PIK3C2G: variants seen among roughly 807,000 people sequenced by gnomAD.
The protein encoded by PIK3C2G is phosphatidylinositol 3-kinase C2 domain-containing subunit gamma.
In PIK3C2G, 168 loss-of-function variants were observed where a neutral mutation model predicts 181.1. The ratio of observed to expected loss-of-function variants is 0.93; its 90% CI spans 0.82 to 1.05. PIK3C2G has a LOEUF of 1.05. Among genes scored for constraint, PIK3C2G ranks in the 50% least tolerant of loss-of-function variants. PIK3C2G has a pLI of 0.00. For missense variants in PIK3C2G, 1,869 were observed against 1,732.8 expected (o/e 1.08, Z -1.40); for synonymous variants, 573 against 592.2 (o/e 0.97, Z 0.47).
At position 18,313,949 on chromosome 12, in the gene PIK3C2G, T is replaced by C; in HGVS notation, c.1035-13T>C. The C allele has an allele frequency of 1.4e-6, 2 of 1,398,284 alleles. No individual in the cohort carries two copies. The highest frequency in any genetic ancestry group is 2.4e-5 in the East Asian group (1 of 42,466). 86.6% of individuals were successfully genotyped at this position (1,398,284 alleles called of 1,614,324 possible). A position where few individuals can be genotyped will look rare whatever the true frequency, so the allele number is the denominator to read the frequency against. On this transcript the variant is annotated splice_polypyrimidine_tract_variant and intron_variant, in intron 5 of 32. Transcript: ENST00000538779. Reference sequence around the variant, plus strand: ...TGGGAGGATATGATTGTGTTCATTTTTTCCTCCTTCAGCGACCACTGTTTG... The same window carrying C: ...TGGGAGGATATGATTGTGTTCATTTCTTCCTCCTTCAGCGACCACTGTTTG...
intron 5 of PIK3C2G, among the ~76,000 whole-genome samples, chr12:18,301,305 C>A (rs964029538): frequency 6.6e-6 from 1 of 152,106 alleles, no homozygotes; most frequent in African/African-American, 2.4e-5. Flanking sequence ...GTCTGCTATG[C>A]CTTTGCCCAT....
At chr12:18,331,953 A>G (rs937051749) in intron 8 of PIK3C2G, among the ~76,000 whole-genome samples, 2 of 152,088 alleles carry the variant, frequency 1.3e-5, no homozygotes, top group African/African-American at 4.8e-5. Context: ...TTCTTTTCAA[A>G]TTTTAAAAAT....
At chr12:18,314,740 A>G (rs1018713886) in intron 6 of PIK3C2G, 1 of 152,204 alleles carries the variant, frequency 6.6e-6, no homozygotes, top group Non-Finnish European at 1.5e-5. Context: ...GACACTTATT[A>G]AGGTTATCGT....
chr12:18,692,572 G>C, the PIK3C2G span, among the ~76,000 whole-genome samples: 1 of 152,250 alleles, frequency 6.6e-6, no homozygotes, highest in Admixed American at 6.5e-5. Flanking sequence ...TGGAGGAAAG[G>C]TGCTAGGTGG....
intron 24 of PIK3C2G, among the ~76,000 whole-genome samples, chr12:18,518,049 G>T (rs112693524): frequency 4.6e-5 from 7 of 152,104 alleles, no homozygotes; most frequent in African/African-American, 1.4e-4. Flanking sequence ...ATTGATTTGC[G>T]TATGTTGAAC....
chr12:18,537,645 C>CT (rs1943930454), intron 24 of PIK3C2G, among the ~76,000 whole-genome samples: 1 of 151,888 alleles, frequency 6.6e-6, no homozygotes, highest in Non-Finnish European at 1.5e-5. Context: ...ATATAGCTAC[C>CT]TTTTTTCTCC....
chr12:18,567,889 A>G (rs114034990), intron 29 of PIK3C2G, among the ~76,000 whole-genome samples: 1 of 152,260 alleles, frequency 6.6e-6, no homozygotes, highest in African/African-American at 2.4e-5. Context: ...ATTAAAATGA[A>G]AATGTTAGTG....
chr12:18,619,679 G>T (rs968441897), intron 31 of PIK3C2G, among the ~76,000 whole-genome samples: 1 of 151,318 alleles, frequency 6.6e-6, no homozygotes, highest in Admixed American at 6.6e-5. Flanking sequence ...TTCCAGAGAT[G>T]TATCTGTTAT....
the PIK3C2G span, chr12:18,693,045 GA>G: frequency 6.8e-7 from 1 of 1,467,584 alleles, no homozygotes; most frequent in Non-Finnish European, 9.5e-7. Context: ...ACCATTAGAA[GA>G]AAAGCAAGAA....
intron 18 of PIK3C2G, among the ~76,000 whole-genome samples, chr12:18,467,972 T>C (rs983141109): frequency 3.9e-5 from 6 of 151,976 alleles, no homozygotes; most frequent in Admixed American, 6.6e-5. Context: ...TTAAAACAAA[T>C]TATAGGTAAA....
At chr12:18,650,664 A>G (rs866065618), downstream of PIK3C2G, among the ~76,000 whole-genome samples, 796 of 35,586 alleles carry the variant, frequency 0.022, 21 homozygotes, top group African/African-American at 0.074. Context: ...TGGAATATAA[A>G]TGTGTGTGTG....
intron 13 of PIK3C2G, among the ~76,000 whole-genome samples, chr12:18,373,164 C>A (rs1469020983): frequency 1.3e-5 from 2 of 152,196 alleles, no homozygotes; most frequent in African/African-American, 4.8e-5. Context: ...TTGTTCGTTG[C>A]TTCAAGTTAC....
chr12:18,496,130 CA>C lies in PIK3C2G; in HGVS notation c.2867del (p.Asn956ThrfsTer24). 1.3e-6 allele frequency: 2 copies of C among 1,533,208 alleles called. No individual in the cohort carries two copies. Among genetic ancestry groups the C allele is most frequent in the East Asian group, 2.4e-5 (1 of 41,798 alleles). The allele number at this position is 1,533,208 out of a possible 1,614,324, so 95.0% of individuals were successfully genotyped here. A position where few individuals can be genotyped will look rare whatever the true frequency, so the allele number is the denominator to read the frequency against. On this transcript the variant is annotated frameshift_variant, in exon 21 of 33. Transcript: ENST00000538779. LOFTEE classifies it high-confidence loss of function. ...CTTTCATCAATGCTAATCCGATGGG[CA>C]AAAACATCAGCATTATTTTTAAGGT... ...ITFINANPMG[K>X]NISIIFKAGD...
At chr12:18,641,743 C>CTTTTTGTTTT (rs1949850722) in intron 32 of PIK3C2G, among the ~76,000 whole-genome samples, 1 of 93,164 alleles carries the variant, frequency 1.1e-5, no homozygotes. Context: ...CTCTCTCAAG[C>CTTTTTGTTTT]TTTTTTTTTT....
the PIK3C2G span, among the ~76,000 whole-genome samples, chr12:18,713,220 G>A: frequency 1.7e-4 from 26 of 151,990 alleles, no homozygotes; most frequent in African/African-American, 6.3e-4. Flanking sequence ...CTAGTCAAAT[G>A]TTTTACTCTT....
chr12:18,623,200 C>T (rs1378175623), intron 31 of PIK3C2G, among the ~76,000 whole-genome samples: 1 of 151,770 alleles, frequency 6.6e-6, no homozygotes, highest in Admixed American at 6.6e-5. Context: ...GTCTTTAACT[C>T]ATTTTGAGTT....
intron 24 of PIK3C2G, among the ~76,000 whole-genome samples, chr12:18,509,661 T>C (rs1020241194): frequency 2.6e-5 from 4 of 152,218 alleles, no homozygotes; most frequent in African/African-American, 9.6e-5. Flanking sequence ...ATCTGGAAAT[T>C]CTATTTCGAC....
intron 18 of PIK3C2G, among the ~76,000 whole-genome samples, chr12:18,459,903 C>T (rs919748245): frequency 8.5e-5 from 13 of 152,106 alleles, no homozygotes; most frequent in Middle Eastern, 3.2e-3. Flanking sequence ...GCTGAGACTA[C>T]AGGCACCTGC....
intron 5 of PIK3C2G, among the ~76,000 whole-genome samples, chr12:18,301,860 C>A (rs1950190322): frequency 6.6e-6 from 1 of 152,084 alleles, no homozygotes; most frequent in African/African-American, 2.4e-5. Flanking sequence ...GATAGGCTTT[C>A]ATAGAGGAAG....
Sources: gnomAD v4.1 joint callset for allele counts (sites outside exome capture counted in the v4.1 genomes callset) on GRCh38, gnomAD v4.1.1 for gene constraint, MANE v1.5 for transcripts, NCBI Gene and HGNC (gene_info 2026-07-23, HGNC 2026-07-21) for gene names.